The following ARHGAP6 variants were observed in gnomAD, a reference collection of about 807,000 sequenced individuals.
The protein encoded by ARHGAP6 is Rho GTPase activating protein 6.
ARHGAP6 carries 16 observed loss-of-function variants against 55.7 expected under a neutral mutation model. The ratio of observed to expected loss-of-function variants is 0.29; its 90% CI spans 0.19 to 0.44. The LOEUF is 0.44. ARHGAP6 is among the 20% of genes least tolerant of loss of function. The probability of loss-of-function intolerance (pLI) is 1.00; values close to 1 mark genes in which losing one functional copy is unlikely to be tolerated. For synonymous variants in ARHGAP6, 382 were observed against 360.9 expected, an observed-to-expected ratio of 1.06 and a Z score of -0.66; for missense variants, 698 against 808.9, an observed-to-expected ratio of 0.86 and a Z score of 1.66.
chrX:11,282,335 C>A (rs1483657166), intron 1 of ARHGAP6, among the ~76,000 whole-genome samples: 2 of 111,780 alleles, frequency 1.8e-5, no homozygotes, highest in Non-Finnish European at 3.8e-5. Context: ...ATCAAGAGAC[C>A]ATAAAAGACA....
Position 11,162,592 on chromosome X carries a change from C to A in ARHGAP6, c.1810-5966G>T, listed in dbSNP as rs1827839485. Among the ~76,000 whole-genome samples the A allele has an allele frequency of 2.7e-5, 3 of 110,863 alleles. No homozygotes were observed. The East Asian group carries it at 8.5e-4, about 31-fold the overall frequency. On this transcript the variant is annotated intron_variant, in intron 9 of 12. Transcript: ENST00000337414. ...ACAAGCTAGGGTGGTGATTTCTACC[C>A]AGTGGATGTGCAGTGAATGTTGCTG... is the stretch of plus-strand genomic sequence containing the variant.
intron 1 of ARHGAP6, among the ~76,000 whole-genome samples, chrX:11,303,445 G>A (rs1198230856): frequency 1.8e-5 from 2 of 111,619 alleles, no homozygotes; most frequent in Non-Finnish European, 3.8e-5. Context: ...AGAAAGGAGT[G>A]GTCATTTGGG....
chrX:11,442,269 G>C (rs2050047138), intron 1 of ARHGAP6, among the ~76,000 whole-genome samples: 1 of 109,576 alleles, frequency 9.1e-6, no homozygotes, highest in Non-Finnish European at 1.9e-5. Flanking sequence ...AAAAATATGG[G>C]TGATTTTTAA....
intron 1 of ARHGAP6, among the ~76,000 whole-genome samples, chrX:11,569,783 T>A (rs1488745797): frequency 8.9e-6 from 1 of 111,917 alleles, no homozygotes; most frequent in East Asian, 2.8e-4. Flanking sequence ...CAAATATTTC[T>A]GCTTAAACCA....
At chrX:11,308,861 A>C (rs2048264935) in intron 1 of ARHGAP6, among the ~76,000 whole-genome samples, 1 of 112,534 alleles carries the variant, frequency 8.9e-6, no homozygotes, top group Admixed American at 9.4e-5. Flanking sequence ...ATGGTGCAGA[A>C]GAAATGGTGG....
At chrX:11,609,480 G>A (rs771577186) in intron 1 of ARHGAP6, among the ~76,000 whole-genome samples, 4 of 111,286 alleles carry the variant, frequency 3.6e-5, no homozygotes, top group African/African-American at 6.5e-5. Context: ...CATTAACCCC[G>A]CTTGACATTT....
intron 1 of ARHGAP6, among the ~76,000 whole-genome samples, chrX:11,450,314 C>G (rs1313288736): frequency 1.8e-5 from 2 of 110,767 alleles, no homozygotes; most frequent in African/African-American, 6.6e-5. Context: ...TATAAAAAAA[C>G]AGCTTGTTGG....
chrX:11,544,008 C>A (rs1410238526), intron 1 of ARHGAP6, among the ~76,000 whole-genome samples: 3 of 112,477 alleles, frequency 2.7e-5, no homozygotes, highest in African/African-American at 9.7e-5. Flanking sequence ...TGACTTAATG[C>A]TAAAGCCATA....
At chrX:11,401,074 G>A (rs1258836815) in intron 1 of ARHGAP6, among the ~76,000 whole-genome samples, 4 of 112,061 alleles carry the variant, frequency 3.6e-5, no homozygotes. Context: ...CTTGATGGCA[G>A]GATCTGAGAA....
intron 1 of ARHGAP6, among the ~76,000 whole-genome samples, chrX:11,413,104 A>G (rs1247607717): frequency 9.0e-6 from 1 of 111,612 alleles, no homozygotes; most frequent in Non-Finnish European, 1.9e-5. Flanking sequence ...CCTCAGAGAC[A>G]TTTTCCTGGT....
chrX:11,294,504 A>T (rs2048048400), intron 1 of ARHGAP6, among the ~76,000 whole-genome samples: 1 of 112,015 alleles, frequency 8.9e-6, no homozygotes, highest in Admixed American at 9.5e-5. Context: ...GGAAAATGGC[A>T]TGCAAAGTCA....
rs769818801 is a variant in ARHGAP6, at chrX:11,647,350, CAG to C, written c.588+16889_588+16890del. 5.3e-3 allele frequency among the ~76,000 whole-genome samples: 598 copies of C among 112,303 alleles called. 2 individuals carry two copies. Among genetic ancestry groups the C allele is most frequent in the Non-Finnish European group, 7.6e-3 (406 of 53,209 alleles). On this transcript the variant is annotated intron_variant, in intron 1 of 12. Transcript: ENST00000337414. ...GCTTAGCTCTTCCTCCCCCTTCTGA[CAG>C]GGGAATGACAAGGAGTATTTTCATC...
rs995348864 is a variant in ARHGAP6, at chrX:11,602,995, G to A, written c.588+61246C>T. Reference sequence around the variant, plus strand: ...CTAAAGACTGAAAACCACTAAACTGGCCCACCTGACTTTATTCTTAAGTCA... The same window carrying A: ...CTAAAGACTGAAAACCACTAAACTGACCCACCTGACTTTATTCTTAAGTCA... On this transcript the variant is annotated intron_variant, in intron 1 of 12. Transcript: ENST00000337414. 1.4e-4 allele frequency among the ~76,000 whole-genome samples: 16 copies of A among 111,873 alleles called. No individual in the cohort carries two copies. In the Admixed American group the frequency reaches 1.5e-3, roughly 11 times the overall value.
At chrX:11,489,979 C>G (rs2050550907) in intron 1 of ARHGAP6, among the ~76,000 whole-genome samples, 1 of 111,229 alleles carries the variant, frequency 9.0e-6, no homozygotes, top group East Asian at 2.8e-4. Flanking sequence ...CGAAACCAGG[C>G]ACCAGACAGG....
intron 1 of ARHGAP6, chrX:11,265,818 A>G (rs895661226): frequency 2.3e-5 from 22 of 937,458 alleles, no homozygotes; most frequent in Middle Eastern, 3.0e-4. Flanking sequence ...GGCAGATCAT[A>G]TTGAATGTCT....
chrX:11,464,116 G>A (rs990965368), intron 1 of ARHGAP6, among the ~76,000 whole-genome samples: 8 of 112,066 alleles, frequency 7.1e-5, no homozygotes, highest in Non-Finnish European at 1.5e-4. Flanking sequence ...TCTACACATT[G>A]TTTACATGCA....
At chrX:11,290,318 C>A (rs2047972661) in intron 1 of ARHGAP6, 1 of 302,942 alleles carries the variant, frequency 3.3e-6, no homozygotes, top group Non-Finnish European at 6.4e-6. Context: ...TTATCTAGCA[C>A]CTACTTTGTA....
intron 1 of ARHGAP6, among the ~76,000 whole-genome samples, chrX:11,636,805 T>G (rs2052424762): frequency 8.9e-6 from 1 of 111,974 alleles, no homozygotes; most frequent in Non-Finnish European, 1.9e-5. Context: ...CTCGAAGTAC[T>G]AAATCAACCA....
intron 1 of ARHGAP6, among the ~76,000 whole-genome samples, chrX:11,287,548 G>C (rs1185212856): frequency 8.9e-6 from 1 of 112,141 alleles, no homozygotes; most frequent in Non-Finnish European, 1.9e-5. Flanking sequence ...AATGCTCAGT[G>C]CTTTGCCACT....
Sources: gnomAD v4.1 joint callset for allele counts (sites outside exome capture counted in the v4.1 genomes callset) on GRCh38, gnomAD v4.1.1 for gene constraint, MANE v1.5 for transcripts, NCBI Gene and HGNC (gene_info 2026-07-23, HGNC 2026-07-21) for gene names.